The following SSBP2 variants were observed in gnomAD, a reference collection of about 807,000 sequenced individuals.
SSBP2 encodes the protein single stranded DNA binding protein 2, also known as single-stranded DNA-binding protein 2.
Under a neutral mutation model 61.8 loss-of-function variants are expected in SSBP2, and 17 were observed. That is an observed-to-expected ratio of 0.28 (90% CI 0.19 to 0.41). The LOEUF (loss-of-function observed/expected upper bound fraction) is 0.41. SSBP2 is among the 10% of genes least tolerant of loss of function. SSBP2 has a pLI of 1.00. For missense variants in SSBP2, 310 were observed against 458.7 expected (o/e 0.68, Z 2.96); for synonymous variants, 139 against 141.3 (o/e 0.98, Z 0.12).
In SSBP2 at chr5:81,734,466, A is replaced by G. The variant is rs193238884; in HGVS notation, c.62+16515T>C. Among the ~76,000 whole-genome samples, 93 of 152,328 alleles carry G rather than the reference A, an allele frequency of 6.1e-4. 2 individuals carry two copies. The East Asian group carries it at 0.016, about 26-fold the overall frequency. ...ACATTTCAAAGCTCCTAGACTTGTC[A>G]GAAGACAAGCAAAACAGACAAGAAG... On this transcript the variant is annotated intron_variant, in intron 1 of 16. Transcript: ENST00000320672.
chr5:81,442,506 C>T (rs1268131847), intron 13 of SSBP2, 147 bp downstream of exon 13: 4 of 522,210 alleles, frequency 7.7e-6, no homozygotes, highest in Non-Finnish European at 1.4e-5. Flanking sequence ...TTTAACCCAG[C>T]TCAGAGAAAA....
chr5:81,445,966 GATA>G (rs1403237475), intron 12 of SSBP2, among the ~76,000 whole-genome samples: 1 of 152,024 alleles, frequency 6.6e-6, no homozygotes, highest in African/African-American at 2.4e-5. Flanking sequence ...CAAATTCTTT[GATA>G]ATAATTATAA....
intron 1 of SSBP2, among the ~76,000 whole-genome samples, chr5:81,682,666 C>A (rs565924704): frequency 1.3e-5 from 2 of 152,144 alleles, no homozygotes; most frequent in African/African-American, 4.8e-5. Context: ...GGAAGTATCA[C>A]CTGACACAAT....
At chr5:81,440,496 C>T in intron 14 of SSBP2, 62 bp downstream of exon 14, 1 of 1,415,022 alleles carries the variant, frequency 7.1e-7, no homozygotes, top group Non-Finnish European at 9.9e-7. Context: ...CTGTAATATG[C>T]ACTAGGTAGA....
intron 4 of SSBP2, among the ~76,000 whole-genome samples, chr5:81,535,404 G>A (rs895086890): frequency 2.8e-4 from 43 of 151,922 alleles, no homozygotes; most frequent in South Asian, 2.1e-4. Context: ...AAAATACAAC[G>A]AACTTATTTC....
At chr5:81,715,417 C>A (rs1296974640) in intron 1 of SSBP2, among the ~76,000 whole-genome samples, 2 of 152,100 alleles carry the variant, frequency 1.3e-5, no homozygotes, top group African/African-American at 2.4e-5. Flanking sequence ...ACCAGGTAAA[C>A]AACCAGTGTA....
chr5:81,531,511 C>T (rs1463544807), intron 4 of SSBP2, among the ~76,000 whole-genome samples: 1 of 151,962 alleles, frequency 6.6e-6, no homozygotes, highest in Non-Finnish European at 1.5e-5. Flanking sequence ...TTTAAGAATG[C>T]TTCTTTGAAA....
At chr5:81,481,797 G>A (rs1410372959) in intron 6 of SSBP2, among the ~76,000 whole-genome samples, 4 of 151,608 alleles carry the variant, frequency 2.6e-5, no homozygotes, top group Non-Finnish European at 4.4e-5. Context: ...TTACCAAGGA[G>A]TAGTAAAAAA....
intron 1 of SSBP2, among the ~76,000 whole-genome samples, chr5:81,687,868 C>T (rs1399074934): frequency 6.6e-6 from 1 of 152,156 alleles, no homozygotes; most frequent in Non-Finnish European, 1.5e-5. Flanking sequence ...GCAGTACTTG[C>T]TATGGGTCTT....
At chr5:81,538,207 G>A (rs917144533) in intron 4 of SSBP2, among the ~76,000 whole-genome samples, 15 of 152,140 alleles carry the variant, frequency 9.9e-5, no homozygotes, top group African/African-American at 3.6e-4. Flanking sequence ...AAGCAAAACA[G>A]CCTTACTGTT....
intron 1 of SSBP2, among the ~76,000 whole-genome samples, chr5:81,703,832 G>C (rs1171797330): frequency 6.6e-6 from 1 of 152,008 alleles, no homozygotes; most frequent in Admixed American, 6.6e-5. Flanking sequence ...CCAAAATATG[G>C]TGACTACTTT....
chr5:81,447,516 A>C (rs1763483095), intron 11 of SSBP2, among the ~76,000 whole-genome samples: 1 of 152,178 alleles, frequency 6.6e-6, no homozygotes, highest in Admixed American at 6.5e-5. Flanking sequence ...GTAATTCTAA[A>C]ATTAATTCAA....
intron 3 of SSBP2, among the ~76,000 whole-genome samples, chr5:81,625,652 G>A (rs1042839580): frequency 2.0e-5 from 3 of 151,950 alleles, no homozygotes; most frequent in Admixed American, 6.6e-5. Flanking sequence ...GAGAAAATAC[G>A]GCATTCCCAA....
chr5:81,424,383 C>T (rs981825494), intron 16 of SSBP2, among the ~76,000 whole-genome samples: 11 of 151,952 alleles, frequency 7.2e-5, no homozygotes, highest in African/African-American at 2.4e-4. Context: ...AAGATCGCAC[C>T]ATTGCATTCC....
At chr5:81,739,798 A>C (rs185151767) in intron 1 of SSBP2, among the ~76,000 whole-genome samples, 1 of 152,190 alleles carries the variant, frequency 6.6e-6, no homozygotes, top group African/African-American at 2.4e-5. Context: ...AAGAAGCCCT[A>C]CTTTCTTACG....
chr5:81,466,423 GA>G (rs1764894693), intron 9 of SSBP2, among the ~76,000 whole-genome samples: 1 of 151,966 alleles, frequency 6.6e-6, no homozygotes, highest in Non-Finnish European at 1.5e-5. Flanking sequence ...CTACGCTACG[GA>G]AAGTTCTTTG....
intron 4 of SSBP2, among the ~76,000 whole-genome samples, chr5:81,515,553 A>G (rs1421409017): frequency 6.6e-6 from 1 of 151,872 alleles, no homozygotes; most frequent in Non-Finnish European, 1.5e-5. Flanking sequence ...AAGTATATAA[A>G]ATATGTTTTT....
chr5:81,501,309 A>G (rs1457004753), intron 5 of SSBP2, among the ~76,000 whole-genome samples: 2 of 135,772 alleles, frequency 1.5e-5, no homozygotes, highest in South Asian at 2.4e-4. Context: ...ACACATGCAT[A>G]CATTTTGAAA....
At chr5:81,435,550 C>T (rs1000940874) in intron 15 of SSBP2, among the ~76,000 whole-genome samples, 2 of 151,992 alleles carry the variant, frequency 1.3e-5, no homozygotes, top group Non-Finnish European at 2.9e-5. Context: ...AACTTGTATC[C>T]GAAAACAGGC....
Sources: gnomAD v4.1 joint callset for allele counts (sites outside exome capture counted in the v4.1 genomes callset) on GRCh38, gnomAD v4.1.1 for gene constraint, MANE v1.5 for transcripts, NCBI Gene and HGNC (gene_info 2026-07-23, HGNC 2026-07-21) for gene names.